The following MAF variants were observed in gnomAD, a reference collection of about 807,000 sequenced individuals.
MAF encodes the protein transcription factor Maf.
In MAF, 10 loss-of-function variants were observed where a neutral mutation model predicts 22.0. That is an observed-to-expected ratio of 0.45 (90% CI 0.28 to 0.77). The LOEUF is 0.77. MAF is among the 30% of genes least tolerant of loss of function. The probability of loss-of-function intolerance (pLI) is 0.12; values close to 1 mark genes in which losing one functional copy is unlikely to be tolerated. For missense variants in MAF, 544 were observed against 548.4 expected (o/e 0.99, Z 0.08); for synonymous variants, 337 against 255.8 (o/e 1.32, Z -3.03).
At chr16:79,587,770 A>G (rs1465830997) in intron 1 of MAF, among the ~76,000 whole-genome samples, 1 of 149,546 alleles carries the variant, frequency 6.7e-6, no homozygotes, top group East Asian at 2.0e-4. Context: ...CATAAAGTAG[A>G]TGTCCTTTTT....
At chr16:79,558,949 G>C in the MAF span, among the ~76,000 whole-genome samples, 4 of 152,242 alleles carry the variant, frequency 2.6e-5, no homozygotes, top group African/African-American at 9.6e-5. Context: ...GTTTATTCTT[G>C]CCTGGGCACA....
At chr16:79,268,956 A>C in the MAF span, among the ~76,000 whole-genome samples, 2 of 152,140 alleles carry the variant, frequency 1.3e-5, no homozygotes, top group African/African-American at 4.8e-5. Context: ...ATCTCTTAGG[A>C]GTGTGAGAAT....
the MAF span, among the ~76,000 whole-genome samples, chr16:79,409,592 T>C: frequency 3.3e-5 from 5 of 152,338 alleles, no homozygotes; most frequent in Middle Eastern, 3.4e-3. Flanking sequence ...TGATTTGATT[T>C]ACACGGAGTA....
chr16:79,487,040 C>A, the MAF span, among the ~76,000 whole-genome samples: 1 of 151,978 alleles, frequency 6.6e-6, no homozygotes, highest in African/African-American at 2.4e-5. Flanking sequence ...GTTGGGGAGG[C>A]CTAAAGTTCC....
the MAF span, among the ~76,000 whole-genome samples, chr16:79,322,307 C>G: frequency 6.6e-6 from 1 of 152,074 alleles, no homozygotes; most frequent in East Asian, 1.9e-4. Flanking sequence ...AGAAGAGTAT[C>G]GGCACTCAGG....
the MAF span, among the ~76,000 whole-genome samples, chr16:79,446,071 A>AG: frequency 4.4e-4 from 67 of 151,100 alleles, no homozygotes; most frequent in Non-Finnish European, 8.1e-4. Flanking sequence ...AGAGACAGAG[A>AG]GAAAAAAAAG....
At chr16:79,413,233 T>G in the MAF span, among the ~76,000 whole-genome samples, 2 of 33,066 alleles carry the variant, frequency 6.0e-5, no homozygotes, top group Admixed American at 4.4e-4. Context: ...TTTTTTTTTT[T>G]TTTTTTTTTT....
At chr16:79,450,780 G>A in the MAF span, among the ~76,000 whole-genome samples, 2 of 150,714 alleles carry the variant, frequency 1.3e-5, no homozygotes, top group African/African-American at 4.9e-5. Context: ...GAGAAACAAG[G>A]AGCTGATAAA....
chr16:79,579,140 G>T, the MAF span, among the ~76,000 whole-genome samples: 19 of 152,266 alleles, frequency 1.2e-4, 1 homozygote, highest in African/African-American at 4.6e-4. Context: ...ATAGCTTACA[G>T]ACAGAGAATT....
the MAF span, among the ~76,000 whole-genome samples, chr16:79,420,844 A>G: frequency 6.6e-6 from 1 of 152,202 alleles, no homozygotes. Flanking sequence ...AGCCTGTCCA[A>G]CGTGGAGAAA....
At chr16:79,282,896 C>G in the MAF span, among the ~76,000 whole-genome samples, 2 of 152,158 alleles carry the variant, frequency 1.3e-5, no homozygotes, top group Non-Finnish European at 2.9e-5. Flanking sequence ...CCAAAGGGTC[C>G]TATTTGCTTA....
chr16:79,369,387 T>C, the MAF span, among the ~76,000 whole-genome samples: 1 of 152,272 alleles, frequency 6.6e-6, no homozygotes, highest in Non-Finnish European at 1.5e-5. Context: ...AAAGCCCATA[T>C]TTTTCTATTA....
the MAF span, among the ~76,000 whole-genome samples, chr16:79,493,881 T>C: frequency 5.3e-5 from 8 of 151,932 alleles, no homozygotes; most frequent in Non-Finnish European, 4.4e-5. Flanking sequence ...GTCTCTATTC[T>C]TGGTGGATGT....
chr16:79,554,811 C>T, the MAF span, among the ~76,000 whole-genome samples: 1 of 152,166 alleles, frequency 6.6e-6, no homozygotes, highest in Non-Finnish European at 1.5e-5. Context: ...CTCAGTTTCT[C>T]ATGGCCTCTC....
the MAF span, among the ~76,000 whole-genome samples, chr16:79,550,056 C>T: frequency 6.6e-6 from 1 of 152,036 alleles, no homozygotes; most frequent in African/African-American, 2.4e-5. Flanking sequence ...CTCTGTATTC[C>T]AGCCACTCTA....
chr16:79,230,258 G>T, the MAF span, among the ~76,000 whole-genome samples: 1 of 152,100 alleles, frequency 6.6e-6, no homozygotes, highest in African/African-American at 2.4e-5. Context: ...TTGGCATTCT[G>T]GGTTCTGACC....
At chr16:79,482,663 C>T in the MAF span, among the ~76,000 whole-genome samples, 2 of 152,102 alleles carry the variant, frequency 1.3e-5, no homozygotes, top group East Asian at 3.9e-4. Context: ...ATGCTCACAG[C>T]GTGGCCCTGC....
At chr16:79,458,304 G>C in the MAF span, among the ~76,000 whole-genome samples, 24 of 152,106 alleles carry the variant, frequency 1.6e-4, no homozygotes, top group Admixed American at 1.0e-3. Context: ...GAAGGCATGT[G>C]TCTCTCTGTG....
At chr16:79,473,056 G>A in the MAF span, among the ~76,000 whole-genome samples, 1 of 152,106 alleles carries the variant, frequency 6.6e-6, no homozygotes, top group African/African-American at 2.4e-5. Context: ...TGTGATAAGG[G>A]GAACGAAGAA....
Sources: allele counts gnomAD v4.1 joint callset (sites outside exome capture counted in the v4.1 genomes callset), GRCh38; gene constraint gnomAD v4.1.1; transcripts MANE v1.5; gene names NCBI Gene and HGNC (gene_info 2026-07-23, HGNC 2026-07-21).